ZNF721: variants seen among roughly 807,000 people sequenced by gnomAD.
The protein encoded by ZNF721 is zinc finger protein 721.
In ZNF721, 2 loss-of-function variants were observed where a neutral mutation model predicts 2.4. The ratio of observed to expected loss-of-function variants is 0.82; its 90% CI spans 0.34 to 2.58. The LOEUF (loss-of-function observed/expected upper bound fraction) is 2.58. ZNF721 is among the 30% of genes most tolerant of loss of function. The pLI is 0.11. For missense variants in ZNF721, 1,187 were observed against 1,085.5 expected (o/e 1.09, Z -1.31); for synonymous variants, 398 against 381.8 (o/e 1.04, Z -0.50).
chr4:489,929 G>A (rs1715981740), intron 1 of ZNF721, among the ~76,000 whole-genome samples: 1 of 151,980 alleles, frequency 6.6e-6, no homozygotes, highest in African/African-American at 2.4e-5. Context: ...GTGTGACCTC[G>A]GCTCACTGCA....
At position 468,203 on chromosome 4, in the gene ZNF721, C is replaced by T. The variant is rs886476782; in HGVS notation, c.34+4372G>A. Among the ~76,000 whole-genome samples the T allele has an allele frequency of 2.0e-5, 3 of 151,256 alleles. No homozygotes were observed. The East Asian group carries it at 5.8e-4, about 29-fold the overall frequency. ...AATGGCATGAACCCAGCAGGCGGAG[C>T]TTGCAGTGAGCTGAGATAGCACCAC... is the stretch of plus-strand genomic sequence containing the variant. On this transcript the variant is annotated intron_variant, in intron 2 of 2. Transcript: ENST00000511833.
At chr4:459,980 C>T (rs1287954235) in intron 2 of ZNF721, among the ~76,000 whole-genome samples, 7 of 152,130 alleles carry the variant, frequency 4.6e-5, no homozygotes, top group Non-Finnish European at 7.3e-5. Flanking sequence ...GAGACTTAGA[C>T]TCTCACACAA....
At position 441,783 on chromosome 4, in the gene ZNF721, C is replaced by T; in HGVS notation, c.2684G>A (p.Cys895Tyr). The change falls in exon 3 of 3, where the codon TGT becomes TAT. Residue 895 changes from cysteine (C) to tyrosine (Y), a missense_variant. Physicochemically the swap from Cys to Tyr is radical, Grantham distance 194. Coordinates refer to ENST00000511833, the MANE Select transcript of ZNF721 (RefSeq NM_133474.4). The stretch of plus-strand genomic sequence containing the variant: ...TCTAAAGGTTTTGCCACAGTCTCCA[C>T]ACGTGTAGGGTTTCTCTCCAGTATG... ...KIHTGEKPYTCGDCGKTFRQS... is the reference protein window; with the variant it reads ...KIHTGEKPYTYGDCGKTFRQS... 6.2e-7 allele frequency: 1 copy of T among 1,613,746 alleles called. No homozygotes were observed. The highest frequency in any genetic ancestry group is 8.5e-7 in the Non-Finnish European group (1 of 1,179,894).
At chr4:471,725 A>T (rs1715441814) in intron 2 of ZNF721, among the ~76,000 whole-genome samples, 1 of 152,160 alleles carries the variant, frequency 6.6e-6, no homozygotes, top group South Asian at 2.1e-4. Flanking sequence ...ATTTGCTAGG[A>T]CACTAGGCCT....
intron 2 of ZNF721, 77 bp downstream of exon 2, chr4:472,498 C>T: frequency 1.3e-6 from 2 of 1,496,898 alleles, no homozygotes; most frequent in Non-Finnish European, 1.8e-6. Context: ...ATAGATATAT[C>T]TCAAAAGACA....
Position 443,443 on chromosome 4 carries a change from A to G in ZNF721, c.1024T>C (p.Phe342Leu). Residue 342 changes from phenylalanine to leucine, a missense_variant, in exon 3 of 3, where the codon TTT (phenylalanine) becomes CTT (leucine). Phe to Leu is a conservative substitution (Grantham distance 22, BLOSUM62 0). Transcript: ENST00000511833. ...PYTCGECGKT[F>L]RQSANLYVHR... ...ACGTAAAGGTTTGCGGACTGTCTAAAGGTTTTGCCACATTCTCCACATGTG... is the reference window on the plus strand; with the variant it reads ...ACGTAAAGGTTTGCGGACTGTCTAAGGGTTTTGCCACATTCTCCACATGTG... 1 of 1,612,104 alleles carries G rather than the reference A, an allele frequency of 6.2e-7. No homozygotes were observed. The highest frequency in any genetic ancestry group is 8.5e-7 in the Non-Finnish European group (1 of 1,178,416).
chr4:448,423 A>C (rs1370340519), intron 2 of ZNF721, among the ~76,000 whole-genome samples: 1 of 148,430 alleles, frequency 6.7e-6, no homozygotes, highest in East Asian at 2.0e-4. Flanking sequence ...GTGACAGAGC[A>C]GGAATCCGTA....
At chr4:491,714 C>A (rs115504875) in intron 1 of ZNF721, among the ~76,000 whole-genome samples, 1,861 of 152,330 alleles carry the variant, frequency 0.012, 39 homozygotes, top group African/African-American at 0.042. Flanking sequence ...TGGCTTCAGA[C>A]TACGTCATGA....
chr4:445,636 T>A (rs907326789), intron 2 of ZNF721, among the ~76,000 whole-genome samples: 1 of 151,544 alleles, frequency 6.6e-6, no homozygotes, highest in Non-Finnish European at 1.5e-5. Flanking sequence ...CTAAATGTAA[T>A]CAGAAAAATC....
intron 1 of ZNF721, among the ~76,000 whole-genome samples, chr4:484,385 G>A (rs1399448517): frequency 6.6e-6 from 1 of 152,208 alleles, no homozygotes; most frequent in Admixed American, 6.5e-5. Context: ...AAAAGAACAG[G>A]ATAACAGCAG....
In ZNF721 at chr4:444,057, T is replaced by C. The variant is rs1714384486; in HGVS notation, c.410A>G (p.Tyr137Cys). ...HKGIHAGEKPYTCEERGKDFG... is the reference protein window; with the variant it reads ...HKGIHAGEKPCTCEERGKDFG... Reference sequence around the variant, plus strand: ...GTCTTTGCCACGTTCTTCACAAGTGTAGGGTTTCTCTCCAGCATGAATTCC... The same window carrying C: ...GTCTTTGCCACGTTCTTCACAAGTGCAGGGTTTCTCTCCAGCATGAATTCC... Residue 137 changes from tyrosine (Y) to cysteine (C), a missense_variant, in exon 3 of 3, where the codon TAC becomes TGC. Coordinates refer to ENST00000511833, the MANE Select transcript of ZNF721 (RefSeq NM_133474.4). 9.3e-6 allele frequency: 15 copies of C among 1,613,750 alleles called. No homozygotes were observed. The highest frequency in any genetic ancestry group is 3.3e-5 in the Admixed American group (2 of 59,998).
intron 2 of ZNF721, among the ~76,000 whole-genome samples, chr4:454,364 A>C (rs797028724): frequency 6.6e-6 from 1 of 152,240 alleles, no homozygotes; most frequent in Admixed American, 6.5e-5. Context: ...TTACATGTAG[A>C]CAAAGCTCTT....
At position 481,575 on chromosome 4, in the gene ZNF721, C is replaced by CTT. The variant is rs77613258; in HGVS notation, c.-93-8876_-93-8875dup. On this transcript the variant is annotated intron_variant, in intron 1 of 2. Coordinates refer to ENST00000511833, the MANE Select transcript of ZNF721 (RefSeq NM_133474.4). ...AAGACACATCTTTGTTCTTTTCTTT[C>CTT]TTTTTTTTTTTTTTTGACAGTCTCC... Among the ~76,000 whole-genome samples the CTT allele has an allele frequency of 1.7e-3, 241 of 142,842 alleles. 1 individual carries two copies. Among genetic ancestry groups the CTT allele is most frequent in the African/African-American group, 5.7e-3 (222 of 39,176 alleles). 93.7% of individuals were successfully genotyped at this position (142,842 alleles called of 152,430 possible). A position where few individuals can be genotyped will look rare whatever the true frequency, so the allele number is the denominator to read the frequency against.
chr4:449,199 G>A (rs1457831045), intron 2 of ZNF721, among the ~76,000 whole-genome samples: 2 of 152,030 alleles, frequency 1.3e-5, no homozygotes, highest in African/African-American at 4.8e-5. Context: ...ATATATGATT[G>A]TAAAGTTTCA....
At chr4:472,775 C>G in intron 1 of ZNF721, 74 bp from the exon 2 acceptor site, 1 of 1,579,090 alleles carries the variant, frequency 6.3e-7, no homozygotes, top group South Asian at 1.1e-5. Context: ...AGAACCAGTT[C>G]TGACATGTGA....
rs782254216 is a variant in ZNF721, at chr4:440,359, ATAATTT to A, written c.*1330_*1335del. On this transcript the variant is annotated 3_prime_UTR_variant, in exon 3 of 3. Transcript: ENST00000511833. ...ACATAAATGAGAATGTTGAAATAGT[ATAATTT>A]TAGAGTTGAATTATTTGCTTTTGAA... The A allele has an allele frequency of 3.9e-5, 6 of 152,242 alleles. No homozygotes were observed. The highest frequency in any genetic ancestry group is 3.8e-4 in the East Asian group (2 of 5,204). The allele number at this position is 152,242 out of a possible 1,614,324, so 9.4% of individuals were successfully genotyped here. A position where few individuals can be genotyped will look rare whatever the true frequency, so the allele number is the denominator to read the frequency against.
intron 1 of ZNF721, among the ~76,000 whole-genome samples, chr4:488,456 G>A (rs782308997): frequency 2.0e-5 from 3 of 152,146 alleles, no homozygotes; most frequent in African/African-American, 7.2e-5. Context: ...AACTCTGGAG[G>A]GCAAGGCTGT....
intron 2 of ZNF721, among the ~76,000 whole-genome samples, chr4:470,814 C>T (rs1553867553): frequency 2.0e-5 from 3 of 152,116 alleles, no homozygotes; most frequent in Admixed American, 6.6e-5. Flanking sequence ...TCCTGGCCAA[C>T]ATGGTGAAAC....
chr4:446,928 C>T (rs1335533404), intron 2 of ZNF721, among the ~76,000 whole-genome samples: 5 of 151,480 alleles, frequency 3.3e-5, no homozygotes, highest in South Asian at 4.2e-4. Context: ...TTACGTAATC[C>T]GCCTGCCTCA....
Sources: gnomAD v4.1 joint callset for allele counts (sites outside exome capture counted in the v4.1 genomes callset) on GRCh38, gnomAD v4.1.1 for gene constraint, MANE v1.5 for transcripts, NCBI Gene and HGNC (gene_info 2026-07-23, HGNC 2026-07-21) for gene names.